The following DOK6 variants were observed in gnomAD, a reference collection of about 807,000 sequenced individuals.
DOK6 encodes the protein downstream of tyrosine kinase 6.
A neutral mutation model predicts 44.0 loss-of-function variants in DOK6; 22 were observed. The ratio of observed to expected loss-of-function variants is 0.50; its 90% confidence interval spans 0.36 to 0.71. The LOEUF is 0.71. Ranked by LOEUF, DOK6 falls within the 30% of genes least tolerant of loss-of-function variation. DOK6 has a pLI of 0.00. For synonymous variants in DOK6, 166 were observed against 145.5 expected (o/e 1.14, Z -1.01); for missense variants, 340 against 416.4 (o/e 0.82, Z 1.60).
intron 7 of DOK6, among the ~76,000 whole-genome samples, chr18:69,809,565 G>GACACACACACAC (rs57753226): frequency 0.032 from 4,738 of 146,124 alleles, 107 homozygotes; most frequent in African/African-American, 0.061. Context: ...CACACACACA[G>GACACACACACAC]ACACACACAC....
chr18:69,586,119 C>T (rs62095356), intron 2 of DOK6, among the ~76,000 whole-genome samples: 42,959 of 152,040 alleles, frequency 0.28, 6,853 homozygotes, highest in Middle Eastern at 0.41. Context: ...CTTTATTAAA[C>T]GAGTAAACAA....
Position 69,546,075 on chromosome 18 carries a change from C to T in DOK6, c.67-18412C>T, listed in dbSNP as rs562121420. On this transcript the variant is annotated intron_variant, in intron 1 of 7. Transcript: ENST00000382713. ...GGCGGATCACTTAAGGTTGGGAGTT[C>T]GAGACCAGGCTAGCCAACATCGAGA... Among the ~76,000 whole-genome samples, 6 of 151,138 alleles carry T rather than the reference C, an allele frequency of 4.0e-5. 1 individual carries two copies. Among genetic ancestry groups the T allele is most frequent in the Non-Finnish European group, 8.9e-5 (6 of 67,582 alleles).
chr18:69,704,494 T>TTC (rs1555725161), intron 5 of DOK6, among the ~76,000 whole-genome samples: 5 of 147,340 alleles, frequency 3.4e-5, no homozygotes, highest in African/African-American at 1.3e-4. Flanking sequence ...TTTTTTTTTT[T>TTC]TGGAGACGGA....
intron 3 of DOK6, chr18:69,662,643 A>C (rs1985559020): frequency 6.6e-6 from 1 of 152,248 alleles, no homozygotes; most frequent in Admixed American, 6.5e-5. Flanking sequence ...AATGAACCAA[A>C]GCAAGTTTTG....
intron 1 of DOK6, among the ~76,000 whole-genome samples, chr18:69,429,641 A>C (rs1309907015): frequency 1.8e-5 from 1 of 54,974 alleles, no homozygotes; most frequent in Non-Finnish European, 3.6e-5. Flanking sequence ...ATATATATAT[A>C]TATATATATA....
At chr18:69,682,777 C>G (rs1280265357) in intron 4 of DOK6, among the ~76,000 whole-genome samples, 1 of 152,018 alleles carries the variant, frequency 6.6e-6, no homozygotes, top group African/African-American at 2.4e-5. Context: ...AAAAAATATG[C>G]CAAAATAAAA....
At chr18:69,446,629 C>T (rs550375870) in intron 1 of DOK6, among the ~76,000 whole-genome samples, 2 of 152,232 alleles carry the variant, frequency 1.3e-5, no homozygotes, top group Non-Finnish European at 2.9e-5. Context: ...GAGGAATTGC[C>T]ACACTGTCTT....
intron 3 of DOK6, among the ~76,000 whole-genome samples, chr18:69,633,513 G>A (rs77618066): frequency 1.3e-5 from 2 of 152,122 alleles, no homozygotes; most frequent in Non-Finnish European, 1.5e-5. Context: ...CCAAGGTCTA[G>A]CTTATAAGTT....
intron 1 of DOK6, among the ~76,000 whole-genome samples, chr18:69,464,006 C>T (rs1979860065): frequency 6.6e-6 from 1 of 152,128 alleles, no homozygotes; most frequent in Admixed American, 6.6e-5. Context: ...TTGCTCCCTC[C>T]TGTGTTTCCA....
rs372708033 is a variant in DOK6, at chr18:69,440,356, A to G, written c.66+39046A>G. Among the ~76,000 whole-genome samples, 48 of 152,324 alleles carry G rather than the reference A, an allele frequency of 3.2e-4. No homozygotes were observed. In the East Asian group the frequency reaches 8.5e-3, roughly 27 times the overall value. ...TGACAAAGAGACAGGAAGTGAGCAC[A>G]TGCTGTTGGAAAAATGGAGGTGATA... On this transcript the variant is annotated intron_variant, in intron 1 of 7. Transcript: ENST00000382713.
chr18:69,573,560 C>T (rs900229604), intron 2 of DOK6, among the ~76,000 whole-genome samples: 1 of 151,746 alleles, frequency 6.6e-6, no homozygotes, highest in African/African-American at 2.4e-5. Flanking sequence ...GGATGGTGAA[C>T]TGAAACAGCA....
chr18:69,481,632 T>C (rs1980425555), intron 1 of DOK6, among the ~76,000 whole-genome samples: 1 of 152,200 alleles, frequency 6.6e-6, no homozygotes, highest in Non-Finnish European at 1.5e-5. Flanking sequence ...TTGTTGGACA[T>C]TTGGGTTGGT....
chr18:69,531,085 C>A (rs953471664), intron 1 of DOK6, among the ~76,000 whole-genome samples: 12 of 151,480 alleles, frequency 7.9e-5, no homozygotes, highest in African/African-American at 2.9e-4. Flanking sequence ...CAACCCCTGC[C>A]TTTTTTTGTT....
In DOK6 at chr18:69,611,495, TACACACACAC is replaced by T. The variant is rs58620722; in HGVS notation, c.289+12022_289+12031del. 2.7e-5 allele frequency among the ~76,000 whole-genome samples: 4 copies of T among 150,924 alleles called. No individual in the cohort carries two copies. In the South Asian group the frequency reaches 8.4e-4, roughly 32 times the overall value. Reference sequence around the variant, plus strand: ...AAAAGGAAAAAGAAACAAGTACACGTACACACACACACACACACACACACACACACACACC... The same window carrying T: ...AAAAGGAAAAAGAAACAAGTACACGTACACACACACACACACACACACACC... On this transcript the variant is annotated intron_variant, in intron 3 of 7. Transcript: ENST00000382713.
At chr18:69,738,480 T>A (rs1162903369) in intron 5 of DOK6, among the ~76,000 whole-genome samples, 2 of 148,670 alleles carry the variant, frequency 1.3e-5, no homozygotes, top group African/African-American at 5.2e-5. Flanking sequence ...TTAAAAAAAA[T>A]GTTTTTAAAA....
In DOK6 at chr18:69,847,781, T is replaced by C. The variant is rs1982379338; in HGVS notation, c.*6398T>C. The C allele has an allele frequency of 6.6e-6, 1 of 150,798 alleles. No individual in the cohort carries two copies. The highest frequency in any genetic ancestry group is 1.5e-5 in the Non-Finnish European group (1 of 67,842). 9.3% of individuals were successfully genotyped at this position (150,798 alleles called of 1,614,324 possible). ...CTCTTGTAAAAAAAAAAAATATATA[T>C]ATATGTATCAGCAGGTAGAGTGTGG... is the stretch of plus-strand genomic sequence containing the variant. On this transcript the variant is annotated 3_prime_UTR_variant, in exon 8 of 8. Transcript: ENST00000382713.
rs1198029330 is a variant in DOK6 at position 69,780,184 on chromosome 18, GCTT to G, written c.856+22315_856+22317del. ...TCGGATTTTTCTTCGTATTTTTGGT[GCTT>G]CTTATTCTGACCTCATTTTTGTGCT... On this transcript the variant is annotated intron_variant, in intron 7 of 7. Transcript: ENST00000382713. Among the ~76,000 whole-genome samples the G allele has an allele frequency of 5.3e-5, 8 of 152,260 alleles. No homozygotes were observed. The East Asian group carries it at 1.5e-3, about 29-fold the overall frequency.
At chr18:69,500,257 A>T (rs1428804848) in intron 1 of DOK6, among the ~76,000 whole-genome samples, 5 of 152,120 alleles carry the variant, frequency 3.3e-5, no homozygotes, top group Non-Finnish European at 7.4e-5. Flanking sequence ...CTGCTTTTAT[A>T]CTTACTTGGA....
intron 3 of DOK6, among the ~76,000 whole-genome samples, chr18:69,651,482 CTTTTTTT>C (rs1168500882): frequency 8.6e-6 from 1 of 116,934 alleles, no homozygotes; most frequent in Admixed American, 9.6e-5. Context: ...CCCCCCGCTC[CTTTTTTT>C]TTTTTTTTTT....
Sources: gnomAD v4.1 joint callset for allele counts (sites outside exome capture counted in the v4.1 genomes callset) on GRCh38, gnomAD v4.1.1 for gene constraint, MANE v1.5 for transcripts, NCBI Gene and HGNC (gene_info 2026-07-23, HGNC 2026-07-21) for gene names.